The following RUNX1 variants were observed in gnomAD, a reference collection of about 807,000 sequenced individuals.
RUNX1 encodes runt-related transcription factor 1.
RUNX1 carries 19 observed loss-of-function variants against 42.8 expected under a neutral mutation model. The ratio of observed to expected loss-of-function variants is 0.44; its 90% CI spans 0.31 to 0.65. The LOEUF (loss-of-function observed/expected upper bound fraction) is 0.65. Among genes scored for constraint, RUNX1 ranks in the 30% least tolerant of loss-of-function variants. The probability of loss-of-function intolerance (pLI) is 0.07; values close to 1 mark genes in which losing one functional copy is unlikely to be tolerated. For synonymous variants in RUNX1, 271 were observed against 289.4 expected (o/e 0.94, Z 0.64); for missense variants, 528 against 672.0 (o/e 0.79, Z 2.37).
chr21:34,942,466 A>T (rs1231511707), intron 2 of RUNX1, among the ~76,000 whole-genome samples: 1 of 152,164 alleles, frequency 6.6e-6, no homozygotes, highest in Non-Finnish European at 1.5e-5. Context: ...TTACCTCCAG[A>T]TGCCTTTCTT....
At chr21:34,816,949 T>C (rs2056835529) in intron 7 of RUNX1, among the ~76,000 whole-genome samples, 1 of 152,174 alleles carries the variant, frequency 6.6e-6, no homozygotes, top group Admixed American at 6.5e-5. Context: ...AGGAAACTGG[T>C]GGTTCCATGG....
chr21:34,855,177 C>T (rs2057478552), intron 6 of RUNX1, among the ~76,000 whole-genome samples: 1 of 152,132 alleles, frequency 6.6e-6, no homozygotes, highest in African/African-American at 2.4e-5. Context: ...AGGACCAGCC[C>T]CCCAAGACGG....
intron 5 of RUNX1, among the ~76,000 whole-genome samples, chr21:34,870,331 T>C (rs1055478295): frequency 1.3e-5 from 2 of 152,220 alleles, no homozygotes; most frequent in African/African-American, 4.8e-5. Flanking sequence ...TCCCTCTGTC[T>C]TCCCACAGAC....
chr21:34,969,765 C>CAAAAAAAAAAAA (rs150978735), intron 2 of RUNX1, among the ~76,000 whole-genome samples: 1 of 124,698 alleles, frequency 8.0e-6, no homozygotes, highest in African/African-American at 3.1e-5. Context: ...TCAGTTAAAG[C>CAAAAAAAAAAAA]AAAAAAAAAA....
intron 2 of RUNX1, among the ~76,000 whole-genome samples, chr21:34,998,068 A>G (rs2059010351): frequency 6.6e-6 from 1 of 151,924 alleles, no homozygotes; most frequent in African/African-American, 2.4e-5. Context: ...GACATCTACC[A>G]CTCAAATGTA....
chr21:34,801,430 A>C (rs760488953), intron 7 of RUNX1, among the ~76,000 whole-genome samples: 3 of 152,246 alleles, frequency 2.0e-5, no homozygotes, highest in Non-Finnish European at 2.9e-5. Context: ...TAATTAAACC[A>C]TGCAAACGTT....
chr21:34,803,812 C>T (rs186593716), intron 7 of RUNX1, among the ~76,000 whole-genome samples: 89 of 152,246 alleles, frequency 5.8e-4, no homozygotes, highest in East Asian at 1.2e-3. Flanking sequence ...GAGGTGTACA[C>T]GGCATATATC....
At chr21:34,865,567 G>C (rs1435774684) in intron 5 of RUNX1, among the ~76,000 whole-genome samples, 1 of 152,208 alleles carries the variant, frequency 6.6e-6, no homozygotes, top group Admixed American at 6.5e-5. Flanking sequence ...AGAAGGTCAA[G>C]GGGTGAGTCT....
At chr21:34,976,488 C>G (rs1159535735) in intron 2 of RUNX1, among the ~76,000 whole-genome samples, 1 of 152,184 alleles carries the variant, frequency 6.6e-6, no homozygotes, top group Non-Finnish European at 1.5e-5. Context: ...TCCCTGAATA[C>G]TAATTTTCAT....
intron 2 of RUNX1, among the ~76,000 whole-genome samples, chr21:34,967,443 C>T (rs945497945): frequency 3.3e-5 from 5 of 150,070 alleles, no homozygotes; most frequent in African/African-American, 7.4e-5. Flanking sequence ...AACTGTGCCA[C>T]GTCAGTGTCA....
intron 2 of RUNX1, among the ~76,000 whole-genome samples, chr21:34,967,179 G>A (rs983659558): frequency 1.3e-5 from 2 of 151,054 alleles, no homozygotes; most frequent in Non-Finnish European, 3.0e-5. Flanking sequence ...AATTAGCCAG[G>A]CATGGTGGCA....
chr21:34,850,039 C>A lies in RUNX1; in HGVS notation c.613+9435G>T, dbSNP rs576316544. Among the ~76,000 whole-genome samples, 101 of 147,758 alleles carry A rather than the reference C, an allele frequency of 6.8e-4. 1 individual carries two copies. The highest frequency in any genetic ancestry group is 1.9e-3 in the African/African-American group (77 of 40,526). On this transcript the variant is annotated intron_variant, in intron 6 of 8. Transcript: ENST00000675419. ...GGCTTACAGGAAAAAACAACAACAA[C>A]AAAAAAAACTGAAGCCTTTGAGAAA... is the stretch of plus-strand genomic sequence containing the variant.
intron 2 of RUNX1, among the ~76,000 whole-genome samples, chr21:35,003,911 G>C (rs180938214): frequency 2.0e-5 from 3 of 152,080 alleles, no homozygotes; most frequent in Non-Finnish European, 2.9e-5. Context: ...GATTTATTTC[G>C]TTCAAATACA....
intron 2 of RUNX1, among the ~76,000 whole-genome samples, chr21:34,897,092 A>G (rs2058136720): frequency 6.6e-6 from 1 of 152,166 alleles, no homozygotes; most frequent in South Asian, 2.1e-4. Flanking sequence ...ACTTCAACCC[A>G]GGTCTTCCTC....
intron 2 of RUNX1, among the ~76,000 whole-genome samples, chr21:34,986,809 C>A (rs950804014): frequency 6.6e-6 from 1 of 152,044 alleles, no homozygotes; most frequent in Non-Finnish European, 1.5e-5. Context: ...GGAATTCTAG[C>A]CTCTAGGGCT....
At chr21:35,021,375 T>A (rs1428662734) in intron 2 of RUNX1, among the ~76,000 whole-genome samples, 3 of 152,226 alleles carry the variant, frequency 2.0e-5, no homozygotes, top group African/African-American at 7.2e-5. Flanking sequence ...TGGTCTTAAC[T>A]TTCTAGGTGC....
At chr21:35,003,013 T>C (rs999350543) in intron 2 of RUNX1, among the ~76,000 whole-genome samples, 2 of 152,186 alleles carry the variant, frequency 1.3e-5, no homozygotes, top group Admixed American at 6.5e-5. Flanking sequence ...CAAAACATGG[T>C]GGTGCAAGAA....
intron 2 of RUNX1, among the ~76,000 whole-genome samples, chr21:35,005,388 CT>C (rs1747196622): frequency 6.6e-6 from 1 of 152,198 alleles, no homozygotes; most frequent in Non-Finnish European, 1.5e-5. Flanking sequence ...AAATTCCACA[CT>C]TGAGTCAAAT....
At position 34,879,808 on chromosome 21, in the gene RUNX1, C is replaced by T. The variant is rs147632445; in HGVS notation, c.508+749G>A. On this transcript the variant is annotated intron_variant, in intron 5 of 8. Coordinates refer to ENST00000675419, the MANE Select transcript of RUNX1 (RefSeq NM_001754.5). ...AATAATTGGAAACCAGAAAAAATTA[C>T]AATAAGCCAAGATTCCTATTTCTGC... is the stretch of plus-strand genomic sequence containing the variant. Among the ~76,000 whole-genome samples, 681 of 152,150 alleles carry T rather than the reference C, an allele frequency of 4.5e-3. 3 individuals carry two copies. Among genetic ancestry groups the T allele is most frequent in the South Asian group, 1.0e-2 (48 of 4,820 alleles).
Sources: gnomAD v4.1 joint callset for allele counts (sites outside exome capture counted in the v4.1 genomes callset) on GRCh38, gnomAD v4.1.1 for gene constraint, MANE v1.5 for transcripts, NCBI Gene and HGNC (gene_info 2026-07-23, HGNC 2026-07-21) for gene names.